The following GNLY variants were observed in gnomAD, a reference collection of about 807,000 sequenced individuals.
GNLY encodes the protein granulysin, also known as T-cell activation protein 519.
GNLY carries 15 observed loss-of-function variants against 18.5 expected under a neutral mutation model. The observed-to-expected ratio is 0.81, with a 90% CI of 0.54 to 1.25. The LOEUF (loss-of-function observed/expected upper bound fraction) is 1.25. Ranked by LOEUF, GNLY falls within the 50% of genes most tolerant of loss-of-function variation. The pLI is 0.00. For synonymous variants in GNLY, 77 were observed against 74.9 expected (o/e 1.03, Z -0.14); for missense variants, 178 against 186.9 (o/e 0.95, Z 0.28).
rs1438952596 is a variant in GNLY, at chr2:85,698,747, A to AT, written c.*177dup. 6 of 1,528,298 alleles carry AT rather than the reference A, an allele frequency of 3.9e-6. No homozygotes were observed. The highest frequency in any genetic ancestry group is 5.3e-6 in the Non-Finnish European group (6 of 1,139,886). 94.7% of individuals were successfully genotyped at this position (1,528,298 alleles called of 1,614,324 possible). On this transcript the variant is annotated 3_prime_UTR_variant, in exon 5 of 5. Transcript: ENST00000263863. Reference sequence around the variant, plus strand: ...TCACGAGAATAAAGTGTCAAGCAAGATTTTAGCCGCAGCTGCTTCTTCTTT... The same window carrying AT: ...TCACGAGAATAAAGTGTCAAGCAAGATTTTTAGCCGCAGCTGCTTCTTCTTT...
At chr2:85,697,853 A>G (rs1296537632) in intron 4 of GNLY, among the ~76,000 whole-genome samples, 176 bp downstream of exon 4, 1 of 152,234 alleles carries the variant, frequency 6.6e-6, no homozygotes, top group Non-Finnish European at 1.5e-5. Context: ...CTTGGGCTTC[A>G]GACACAGGTG....
chr2:85,698,762 GCTT>G lies in GNLY; in HGVS notation c.*195_*197del, dbSNP rs1250342683. On this transcript the variant is annotated 3_prime_UTR_variant, in exon 5 of 5. Transcript: ENST00000263863. ...GTCAAGCAAGATTTTAGCCGCAGCTGCTTCTTCTTTGGTGGATTTGAGGGGTGG... is the reference window on the plus strand; with the variant it reads ...GTCAAGCAAGATTTTAGCCGCAGCTGCTTCTTTGGTGGATTTGAGGGGTGG... The G allele has an allele frequency of 1.3e-6, 2 of 1,518,312 alleles. No homozygotes were observed. Among genetic ancestry groups the G allele is most frequent in the African/African-American group, 1.4e-5 (1 of 72,678 alleles). 94.1% of individuals were successfully genotyped at this position (1,518,312 alleles called of 1,614,324 possible).
chr2:85,696,535 A>G (rs1573494494), intron 3 of GNLY: 2 of 137,144 alleles, frequency 1.5e-5, no homozygotes, highest in African/African-American at 5.2e-5. Context: ...AAGTTGTCAA[A>G]CCCTTTTTTT....
At chr2:85,695,807 GC>G in intron 2 of GNLY, 150 bp from the exon 3 acceptor site, 1 of 618,490 alleles carries the variant, frequency 1.6e-6, no homozygotes, top group East Asian at 2.7e-5. Flanking sequence ...GGGCCAGGCA[GC>G]CAGTTCAGGC....
intron 3 of GNLY, 52 bp from the exon 4 acceptor site, chr2:85,697,454 G>A: frequency 6.5e-7 from 1 of 1,526,850 alleles, no homozygotes; most frequent in South Asian, 1.1e-5. Context: ...GGGTGGCAGA[G>A]CTGGGCAGGA....
intron 3 of GNLY, 119 bp from the exon 4 acceptor site, chr2:85,697,387 C>G: frequency 1.2e-6 from 1 of 866,270 alleles, no homozygotes; most frequent in Non-Finnish European, 1.9e-6. Context: ...CCCATGGGCA[C>G]CAGGTGCCAG....
rs1424341988 is a variant in GNLY, at chr2:85,695,436, T to C, written c.156+13T>C. The C allele has an allele frequency of 1.3e-6, 2 of 1,489,134 alleles. No individual in the cohort carries two copies. The highest frequency in any genetic ancestry group is 2.3e-5 in the East Asian group (1 of 44,260). 92.2% of individuals were successfully genotyped at this position (1,489,134 alleles called of 1,614,324 possible). ...GGAGGGCCCCCAGGTACGTGTTGGC[T>C]CTCTGCTCACCTGCCACAGTCCCTC... On this transcript the variant is annotated intron_variant, in intron 2 of 4. Transcript: ENST00000263863.
In GNLY at chr2:85,694,583, C is replaced by T. The variant is rs547396287; in HGVS notation, c.52+113C>T. Reference sequence around the variant, plus strand: ...GCACCCAGGTGCCCCTGCCTCCCCCCGGCCTTCTCCCCCGTCATGGAGGCC... The same window carrying T: ...GCACCCAGGTGCCCCTGCCTCCCCCTGGCCTTCTCCCCCGTCATGGAGGCC... On this transcript the variant is annotated intron_variant, in intron 1 of 4. Coordinates refer to ENST00000263863, the MANE Select transcript of GNLY (RefSeq NM_006433.5). The T allele has an allele frequency of 5.0e-5, 56 of 1,126,274 alleles. No homozygotes were observed. In the African/African-American group the frequency reaches 6.9e-4, roughly 14 times the overall value. 69.8% of individuals were successfully genotyped at this position (1,126,274 alleles called of 1,614,324 possible).
At chr2:85,697,330 T>C (rs1678494543) in intron 3 of GNLY, 176 bp from the exon 4 acceptor site, 2 of 614,680 alleles carry the variant, frequency 3.3e-6, no homozygotes, top group South Asian at 2.0e-5. Flanking sequence ...GGGCCAGGCC[T>C]TGGGGACTGG....
chr2:85,695,963 C>G lies in GNLY; in HGVS notation c.162C>G (p.Asp54Glu), dbSNP rs369766430. 96 of 1,596,302 alleles carry G rather than the reference C, an allele frequency of 6.0e-5. No individual in the cohort carries two copies. The highest frequency in any genetic ancestry group is 7.6e-5 in the Non-Finnish European group (88 of 1,164,050). The change falls in exon 3 of 5, where the codon GAC becomes GAG. Residue 54 changes from aspartate (D) to glutamate (E), a missense_variant. Asp to Glu is a conservative substitution (Grantham distance 45). Coordinates refer to ENST00000263863, the MANE Select transcript of GNLY (RefSeq NM_006433.5). ...AGGGCTTTCTTTCCTGACAGGGTGA[C>G]CTGTTGACCAAAACACAGGAGCTGG... ...PCLAQEGPQG[D>E]LLTKTQELGR...
intron 1 of GNLY, chr2:85,694,678 G>A: frequency 7.8e-7 from 1 of 1,289,890 alleles, no homozygotes; most frequent in South Asian, 1.5e-5. Flanking sequence ...CCAAGGAGGA[G>A]AGACAGGCCA....
chr2:85,698,842 C>G lies in GNLY; in HGVS notation c.*268C>G. ...GTGTAGTCCTTCAATAAATGTCTGT[C>G]GTGTGTCCCATACACTGTTGTAGAT... is the stretch of plus-strand genomic sequence containing the variant. On this transcript the variant is annotated 3_prime_UTR_variant, in exon 5 of 5. Coordinates refer to ENST00000263863, the MANE Select transcript of GNLY (RefSeq NM_006433.5). The G allele has an allele frequency of 1.4e-6, 2 of 1,419,660 alleles. No individual in the cohort carries two copies. Among genetic ancestry groups the G allele is most frequent in the Non-Finnish European group, 1.8e-6 (2 of 1,085,114 alleles). The allele number at this position is 1,419,660 out of a possible 1,614,324, so 87.9% of individuals were successfully genotyped here.
chr2:85,694,647 C>G, intron 1 of GNLY, 177 bp downstream of exon 1: 1 of 1,105,670 alleles, frequency 9.0e-7, no homozygotes, highest in Non-Finnish European at 1.3e-6. Flanking sequence ...CAGTGTGCTG[C>G]CCAGCCTGTC....
At chr2:85,694,997 G>GT (rs768311798) in intron 1 of GNLY, 3 of 1,575,998 alleles carry the variant, frequency 1.9e-6, no homozygotes, top group East Asian at 2.3e-5. Context: ...TGGATGGAAG[G>GT]TAAAAAAAGA....
In GNLY at chr2:85,694,473, A is replaced by T. The variant is rs1348520013; in HGVS notation, c.52+3A>T. 6.2e-7 allele frequency: 1 copy of T among 1,613,574 alleles called. No homozygotes were observed. Among genetic ancestry groups the T allele is most frequent in the Non-Finnish European group, 8.5e-7 (1 of 1,179,588 alleles). Reference sequence around the variant, plus strand: ...AGCCATGCTCCTGGGCAACCCAGGTAAGGCCTTCCCCTCGGGATCGATCCT... The same window carrying T: ...AGCCATGCTCCTGGGCAACCCAGGTTAGGCCTTCCCCTCGGGATCGATCCT... On this transcript the variant is annotated splice_donor_region_variant and intron_variant, in intron 1 of 4. Coordinates refer to ENST00000263863, the MANE Select transcript of GNLY (RefSeq NM_006433.5).
At chr2:85,698,371 T>G in intron 4 of GNLY, 193 bp from the exon 5 acceptor site, 1 of 854,880 alleles carries the variant, frequency 1.2e-6, no homozygotes, top group East Asian at 2.5e-5. Context: ...TTTCCTGTCA[T>G]TGGAGCTTGT....
chr2:85,694,516 C>G (rs770336219), intron 1 of GNLY, 46 bp downstream of exon 1: 4 of 1,571,532 alleles, frequency 2.5e-6, no homozygotes, highest in Middle Eastern at 1.7e-4. Context: ...CACCCAGCCT[C>G]GCACTCTCAG....
chr2:85,695,906 C>A (rs1275960043), intron 2 of GNLY, 52 bp from the exon 3 acceptor site: 1 of 1,050,770 alleles, frequency 9.5e-7, no homozygotes, highest in East Asian at 2.4e-5. Context: ...GGCACTTTCA[C>A]GCGCTCCCAG....
At chr2:85,697,234 C>A in intron 3 of GNLY, 1 of 421,742 alleles carries the variant, frequency 2.4e-6, no homozygotes, top group African/African-American at 2.0e-5. Context: ...ATTCTCCACA[C>A]AGAAGGCAGG....
Sources: gnomAD v4.1 joint callset for allele counts (sites outside exome capture counted in the v4.1 genomes callset) on GRCh38, gnomAD v4.1.1 for gene constraint, MANE v1.5 for transcripts, NCBI Gene and HGNC (gene_info 2026-07-23, HGNC 2026-07-21) for gene names.